RFX3: variants seen among roughly 807,000 people sequenced by gnomAD.
RFX3 encodes the protein transcription factor RFX3.
A neutral mutation model predicts 98.6 loss-of-function variants in RFX3; 14 were observed. The ratio of observed to expected loss-of-function variants is 0.14; its 90% CI spans 0.09 to 0.22. The LOEUF (loss-of-function observed/expected upper bound fraction) is 0.22, where lower values mean the gene tolerates loss of function less well. Ranked by LOEUF, RFX3 falls within the 10% of genes least tolerant of loss-of-function variation. The pLI is 1.00. For missense variants in RFX3, 639 were observed against 926.9 expected (o/e 0.69, Z 4.03); for synonymous variants, 383 against 328.4 (o/e 1.17, Z -1.80).
intron 14 of RFX3, among the ~76,000 whole-genome samples, chr9:3,249,789 T>C (rs1201654197): frequency 3.3e-5 from 5 of 152,090 alleles, no homozygotes; most frequent in East Asian, 3.8e-4. Flanking sequence ...TCAAATGACA[T>C]AATGTATGTG....
chr9:3,241,949 T>C (rs1310803621), intron 15 of RFX3, among the ~76,000 whole-genome samples: 1 of 152,234 alleles, frequency 6.6e-6, no homozygotes, highest in African/African-American at 2.4e-5. Flanking sequence ...TAAAAACTTT[T>C]AAGCTAGGCA....
At position 3,306,958 on chromosome 9, in the gene RFX3, T is replaced by C. The variant is rs956897584; in HGVS notation, c.475-5338A>G. Among the ~76,000 whole-genome samples the C allele has an allele frequency of 3.3e-5, 5 of 152,124 alleles. No individual in the cohort carries two copies. In the South Asian group the frequency reaches 1.0e-3, roughly 32 times the overall value. On this transcript the variant is annotated intron_variant, in intron 4 of 16. Transcript: ENST00000617270. ...ATTCCCATGTGTTGTGGGAGGGACC[T>C]GGTGGGAGATGACTGCATAATGGGG...
chr9:3,304,464 A>G (rs1200390547), intron 4 of RFX3, among the ~76,000 whole-genome samples: 1 of 152,010 alleles, frequency 6.6e-6, no homozygotes, highest in African/African-American at 2.4e-5. Flanking sequence ...GGTCATATAT[A>G]TGAATAAATG....
intron 4 of RFX3, among the ~76,000 whole-genome samples, chr9:3,328,546 C>T (rs1832195929): frequency 6.6e-6 from 1 of 151,876 alleles, no homozygotes; most frequent in Non-Finnish European, 1.5e-5. Context: ...GAAGAGACAA[C>T]AAATACACAT....
chr9:3,378,232 T>C (rs1048057713), intron 2 of RFX3, among the ~76,000 whole-genome samples: 3 of 152,218 alleles, frequency 2.0e-5, no homozygotes, highest in Non-Finnish European at 4.4e-5. Context: ...TGTCGAAGAA[T>C]TGGACAGGTA....
At chr9:3,502,475 T>C (rs1218914063) in intron 1 of RFX3, among the ~76,000 whole-genome samples, 2 of 152,108 alleles carry the variant, frequency 1.3e-5, no homozygotes, top group Non-Finnish European at 2.9e-5. Context: ...CAATTTTTAG[T>C]GAAAGAAAAA....
chr9:3,308,951 G>A (rs535748903), intron 4 of RFX3, among the ~76,000 whole-genome samples: 2 of 152,176 alleles, frequency 1.3e-5, no homozygotes, highest in Admixed American at 6.5e-5. Flanking sequence ...GCCTTCATTT[G>A]GGCAAGACGA....
At chr9:3,307,503 T>C (rs1829466991) in intron 4 of RFX3, among the ~76,000 whole-genome samples, 1 of 152,152 alleles carries the variant, frequency 6.6e-6, no homozygotes. Context: ...GTGATAACAC[T>C]GCAGTGAGAA....
chr9:3,298,842 G>T (rs1319202374), intron 5 of RFX3, among the ~76,000 whole-genome samples: 1 of 151,732 alleles, frequency 6.6e-6, no homozygotes, highest in Non-Finnish European at 1.5e-5. Flanking sequence ...ACAGAAAATA[G>T]GAAGTCTTTG....
intron 2 of RFX3, among the ~76,000 whole-genome samples, chr9:3,369,995 A>ATTTTTTTTTTTTT (rs71324244): frequency 1.2e-4 from 16 of 132,612 alleles, no homozygotes; most frequent in African/African-American, 4.4e-4. Flanking sequence ...CGCCCGGCTA[A>ATTTTTTTTTTTTT]TTTTTTTTTT....
rs1199596311 is a variant in RFX3 at position 3,504,792 on chromosome 9, ATAT to A, written c.-9+20952_-9+20954del. ...TATGTATATATTGTATATAAAATAT[ATAT>A]TATATTATATATAAAATATATATTA... On this transcript the variant is annotated intron_variant, in intron 1 of 16. Coordinates refer to ENST00000617270, the MANE Select transcript of RFX3 (RefSeq NM_001282116.2). 1.1e-3 allele frequency among the ~76,000 whole-genome samples: 117 copies of A among 103,426 alleles called. 14 individuals carry two copies. In the East Asian group the frequency reaches 0.015, roughly 13 times the overall value. 67.9% of individuals were successfully genotyped at this position (103,426 alleles called of 152,430 possible). A position where few individuals can be genotyped will look rare whatever the true frequency, so the allele number is the denominator to read the frequency against.
chr9:3,228,291 A>C (rs576452420), intron 16 of RFX3, among the ~76,000 whole-genome samples: 2 of 152,304 alleles, frequency 1.3e-5, no homozygotes, highest in African/African-American at 4.8e-5. Context: ...TTCTTCAGAA[A>C]TATATATCAT....
Position 3,455,787 on chromosome 9 carries a change from T to C in RFX3, c.-8-60191A>G, listed in dbSNP as rs192285964. Among the ~76,000 whole-genome samples, 12 of 152,334 alleles carry C rather than the reference T, an allele frequency of 7.9e-5. No homozygotes were observed. In the East Asian group the frequency reaches 2.1e-3, roughly 27 times the overall value. On this transcript the variant is annotated intron_variant, in intron 1 of 16. Transcript: ENST00000617270. ...TTTTTATAATAAAGTTCCCAGATAC[T>C]TCTTAAAACCTGGAAACCATAAATG...
intron 2 of RFX3, among the ~76,000 whole-genome samples, chr9:3,381,653 TA>T (rs1217413665): frequency 2.0e-5 from 3 of 152,118 alleles, no homozygotes; most frequent in African/African-American, 7.2e-5. Flanking sequence ...TTTTCTTATA[TA>T]TATCTTTTCC....
At chr9:3,464,507 A>G (rs1367600593) in intron 1 of RFX3, among the ~76,000 whole-genome samples, 1 of 152,210 alleles carries the variant, frequency 6.6e-6, no homozygotes, top group Non-Finnish European at 1.5e-5. Context: ...AAAAGAGGCC[A>G]GGTGCAAAAA....
intron 1 of RFX3, among the ~76,000 whole-genome samples, chr9:3,427,244 A>C (rs919807371): frequency 1.4e-5 from 2 of 144,522 alleles, no homozygotes; most frequent in African/African-American, 5.0e-5. Context: ...TATATAAATA[A>C]AATATATATA....
At chr9:3,399,212 A>G (rs1423882416) in intron 1 of RFX3, among the ~76,000 whole-genome samples, 1 of 151,504 alleles carries the variant, frequency 6.6e-6, no homozygotes, top group East Asian at 1.9e-4. Flanking sequence ...AGGTGGGTGA[A>G]TCACCTGAGG....
At chr9:3,485,679 T>C (rs1850200851) in intron 1 of RFX3, among the ~76,000 whole-genome samples, 1 of 152,242 alleles carries the variant, frequency 6.6e-6, no homozygotes. Flanking sequence ...TTTATCTTAG[T>C]TTATCTCTGA....
At chr9:3,470,570 G>A (rs940292217) in intron 1 of RFX3, among the ~76,000 whole-genome samples, 11 of 151,070 alleles carry the variant, frequency 7.3e-5, no homozygotes, top group African/African-American at 9.7e-5. Flanking sequence ...CTCGTGATCC[G>A]CCCGCCTCGG....
Sources: gnomAD v4.1 joint callset for allele counts (sites outside exome capture counted in the v4.1 genomes callset) on GRCh38, gnomAD v4.1.1 for gene constraint, MANE v1.5 for transcripts, NCBI Gene and HGNC (gene_info 2026-07-23, HGNC 2026-07-21) for gene names.